PDE4B: variants seen among roughly 807,000 people sequenced by gnomAD.
PDE4B encodes phosphodiesterase 4B.
In PDE4B, 20 loss-of-function variants were observed where a neutral mutation model predicts 82.2. The observed-to-expected ratio is 0.24, with a 90% CI of 0.17 to 0.35. The LOEUF (loss-of-function observed/expected upper bound fraction) is 0.35. Ranked by LOEUF, PDE4B falls within the 10% of genes least tolerant of loss-of-function variation. PDE4B has a pLI of 1.00. For synonymous variants in PDE4B, 320 were observed against 318.9 expected (o/e 1.00, Z -0.04); for missense variants, 655 against 907.2 (o/e 0.72, Z 3.57).
chr1:65,803,446 G>A lies in PDE4B; in HGVS notation c.-71+10198G>A, dbSNP rs1486341269. 3.9e-5 allele frequency among the ~76,000 whole-genome samples: 6 copies of A among 152,292 alleles called. No individual in the cohort carries two copies. In the South Asian group the frequency reaches 8.3e-4, roughly 21 times the overall value. ...AGTATCATAACCAGGAATTTTGAGT[G>A]TGGTCTTCAATACAAGTTTTTCAAA... On this transcript the variant is annotated intron_variant, in intron 1 of 16. Transcript: ENST00000341517.
chr1:66,300,866 C>T (rs1050556434), intron 7 of PDE4B, among the ~76,000 whole-genome samples: 2 of 152,122 alleles, frequency 1.3e-5, no homozygotes, highest in Non-Finnish European at 2.9e-5. Flanking sequence ...TCATAGATGG[C>T]CTATTCTCTG....
intron 7 of PDE4B, among the ~76,000 whole-genome samples, chr1:66,287,118 A>G (rs1656732622): frequency 6.6e-6 from 1 of 152,134 alleles, no homozygotes; most frequent in African/African-American, 2.4e-5. Context: ...TTTAAATGTG[A>G]CACATTTACA....
intron 1 of PDE4B, among the ~76,000 whole-genome samples, chr1:65,816,698 C>T (rs1645889270): frequency 6.6e-6 from 1 of 151,820 alleles, no homozygotes; most frequent in South Asian, 2.1e-4. Context: ...ACTATTAAAG[C>T]CATGAAAATC....
chr1:66,253,358 G>A (rs570618155), intron 4 of PDE4B, among the ~76,000 whole-genome samples: 1 of 152,336 alleles, frequency 6.6e-6, no homozygotes, highest in East Asian at 1.9e-4. Context: ...TCAGAGTGTG[G>A]CAGTGAAAGG....
intron 3 of PDE4B, among the ~76,000 whole-genome samples, chr1:66,060,321 G>C (rs962005270): frequency 6.6e-6 from 1 of 152,108 alleles, no homozygotes; most frequent in Non-Finnish European, 1.5e-5. Flanking sequence ...AAAATATCAA[G>C]GAGTTTTTAC....
chr1:66,236,335 T>C (rs1652448780), intron 3 of PDE4B, among the ~76,000 whole-genome samples: 1 of 152,206 alleles, frequency 6.6e-6, no homozygotes, highest in Non-Finnish European at 1.5e-5. Flanking sequence ...ACTCTTGTCA[T>C]ATAGTTTACT....
intron 3 of PDE4B, among the ~76,000 whole-genome samples, chr1:66,225,258 C>T (rs189823512): frequency 2.2e-4 from 33 of 152,300 alleles, no homozygotes; most frequent in African/African-American, 7.0e-4. Context: ...TCTCACCCCC[C>T]GTTCTCACCT....
intron 1 of PDE4B, among the ~76,000 whole-genome samples, chr1:65,891,918 G>A (rs994970955): frequency 2.0e-5 from 3 of 151,970 alleles, no homozygotes; most frequent in Non-Finnish European, 2.9e-5. Flanking sequence ...GATACTGCCC[G>A]AGATGATCCA....
chr1:66,263,920 G>T (rs1398307852), intron 6 of PDE4B, among the ~76,000 whole-genome samples: 1 of 152,220 alleles, frequency 6.6e-6, no homozygotes, highest in Non-Finnish European at 1.5e-5. Flanking sequence ...GCCTTGGCAA[G>T]TGTGAGTCAG....
chr1:66,117,457 T>C (rs1645618318), intron 3 of PDE4B, among the ~76,000 whole-genome samples: 1 of 152,152 alleles, frequency 6.6e-6, no homozygotes, highest in Non-Finnish European at 1.5e-5. Context: ...ATAGAAATTA[T>C]CTGGGAAGGT....
intron 3 of PDE4B, among the ~76,000 whole-genome samples, chr1:66,223,926 C>A (rs116329279): frequency 0.026 from 3,946 of 152,254 alleles, 72 homozygotes; most frequent in Middle Eastern, 0.095. Flanking sequence ...ATGGTGGCAT[C>A]ATTTGTGATA....
intron 1 of PDE4B, among the ~76,000 whole-genome samples, chr1:65,825,021 T>C (rs1645998318): frequency 6.6e-6 from 1 of 152,198 alleles, no homozygotes; most frequent in Non-Finnish European, 1.5e-5. Context: ...TTTGGATCAG[T>C]AGCAGACATG....
At chr1:66,330,543 C>T (rs910694) in intron 7 of PDE4B, among the ~76,000 whole-genome samples, 71,380 of 152,108 alleles carry the variant, frequency 0.47, 18,396 homozygotes, top group East Asian at 0.8. Context: ...CTACTTTCTC[C>T]CCACCGTCCT....
At chr1:65,911,150 C>T (rs1237661539) in intron 1 of PDE4B, among the ~76,000 whole-genome samples, 2 of 152,098 alleles carry the variant, frequency 1.3e-5, no homozygotes, top group African/African-American at 4.8e-5. Flanking sequence ...TAAGACCTTA[C>T]AAAAATACTC....
intron 14 of PDE4B, 46 bp from the exon 15 acceptor site, chr1:66,367,897 T>A (rs778006320): frequency 6.2e-7 from 1 of 1,613,140 alleles, no homozygotes; most frequent in Non-Finnish European, 8.5e-7. Context: ...CCATTCTCTC[T>A]GATAGACTGA....
In PDE4B at chr1:66,247,670, G is replaced by A. The variant is rs758107581; in HGVS notation, c.476+16G>A. On this transcript the variant is annotated intron_variant, in intron 4 of 16. Coordinates refer to ENST00000341517, the MANE Select transcript of PDE4B (RefSeq NM_002600.4). ...CAAGCGAGCAGTAAGTACAAGCTCT[G>A]TCTGGCTTCCAGTTTCACATTTACC... 3 of 1,531,884 alleles carry A rather than the reference G, an allele frequency of 2.0e-6. No homozygotes were observed. Among genetic ancestry groups the A allele is most frequent in the Non-Finnish European group, 2.6e-6 (3 of 1,136,162 alleles). The allele number at this position is 1,531,884 out of a possible 1,614,324, so 94.9% of individuals were successfully genotyped here.
In PDE4B at chr1:66,358,692, A is replaced by AG. The variant is rs1165358194; in HGVS notation, c.842-2922dup. ...TCTGTCTCAAAAAAAAAAAAAAAAA[A>AG]GTATTAACAGTTTCTAATAATATAA... On this transcript the variant is annotated intron_variant, in intron 9 of 16. Transcript: ENST00000341517. 2.4e-4 allele frequency among the ~76,000 whole-genome samples: 36 copies of AG among 151,178 alleles called. No individual in the cohort carries two copies. The South Asian group carries it at 6.3e-3, about 26-fold the overall frequency.
chr1:65,811,051 T>C (rs1645813802), intron 1 of PDE4B, among the ~76,000 whole-genome samples: 1 of 152,178 alleles, frequency 6.6e-6, no homozygotes, highest in Non-Finnish European at 1.5e-5. Context: ...CAACACTCTC[T>C]TTTCCCCCTA....
Position 65,838,696 on chromosome 1 carries a change from T to A in PDE4B, c.-71+45448T>A, listed in dbSNP as rs193099664. Among the ~76,000 whole-genome samples, 4 of 151,352 alleles carry A rather than the reference T, an allele frequency of 2.6e-5. No homozygotes were observed. The East Asian group carries it at 7.7e-4, about 29-fold the overall frequency. On this transcript the variant is annotated intron_variant, in intron 1 of 16. Transcript: ENST00000341517. ...ATTTCTTTATTGTAGGAGCAGATAG[T>A]GCTAGTGATCGATTTAGCCCTGAAA... is the stretch of plus-strand genomic sequence containing the variant.
Sources: gnomAD v4.1 joint callset for allele counts (sites outside exome capture counted in the v4.1 genomes callset) on GRCh38, gnomAD v4.1.1 for gene constraint, MANE v1.5 for transcripts, NCBI Gene and HGNC (gene_info 2026-07-23, HGNC 2026-07-21) for gene names.